Variants in RAPGEF2 observed in about 807,000 individuals in gnomAD.
RAPGEF2 encodes Rap guanine nucleotide exchange factor 2.
In RAPGEF2, 54 loss-of-function variants were observed where a neutral mutation model predicts 186.7. The ratio of observed to expected loss-of-function variants is 0.29; its 90% CI spans 0.23 to 0.36. RAPGEF2 has a LOEUF of 0.36. Ranked by LOEUF, RAPGEF2 falls within the 10% of genes least tolerant of loss-of-function variation. The pLI is 1.00. For missense variants in RAPGEF2, 1,532 were observed against 2,045.0 expected (o/e 0.75, Z 4.84); for synonymous variants, 712 against 705.9 (o/e 1.01, Z -0.14).
intron 2 of RAPGEF2, among the ~76,000 whole-genome samples, chr4:159,191,009 A>G (rs1439301041): frequency 6.6e-6 from 1 of 152,342 alleles, no homozygotes; most frequent in African/African-American, 2.4e-5. Context: ...CTGAGTAGGC[A>G]TTTAAATGAG....
At chr4:159,164,007 A>G (rs1745000304) in intron 1 of RAPGEF2, among the ~76,000 whole-genome samples, 2 of 151,484 alleles carry the variant, frequency 1.3e-5, no homozygotes, top group East Asian at 1.9e-4. Flanking sequence ...TAGTACTGGT[A>G]GTTTTTTTTT....
intron 7 of RAPGEF2, among the ~76,000 whole-genome samples, chr4:159,285,593 G>A (rs1321878756): frequency 3.3e-5 from 5 of 152,132 alleles, no homozygotes; most frequent in South Asian, 4.1e-4. Context: ...AAGTGTAGAC[G>A]TTTAAGCAAA....
chr4:159,133,033 A>T (rs2111137511), intron 1 of RAPGEF2, among the ~76,000 whole-genome samples: 1 of 152,286 alleles, frequency 6.6e-6, no homozygotes, highest in East Asian at 1.9e-4. Flanking sequence ...AAAATTAAAA[A>T]AATTCATACA....
At chr4:159,200,066 A>C (rs569959672) in intron 3 of RAPGEF2, among the ~76,000 whole-genome samples, 236 of 143,862 alleles carry the variant, frequency 1.6e-3, no homozygotes, top group African/African-American at 6.6e-3. Context: ...CTCTCTATAT[A>C]TATATATAGT....
intron 1 of RAPGEF2, among the ~76,000 whole-genome samples, chr4:159,175,605 C>A (rs1205995421): frequency 2.0e-5 from 3 of 152,178 alleles, no homozygotes; most frequent in Non-Finnish European, 4.4e-5. Context: ...TCATCATATT[C>A]TTTAAGATGA....
intron 13 of RAPGEF2, 64 bp from the exon 14 acceptor site, chr4:159,331,367 G>T: frequency 5.4e-6 from 5 of 923,714 alleles, no homozygotes; most frequent in South Asian, 1.7e-5. Context: ...ATCTTTTCTG[G>T]AATGATTTTA....
Position 159,267,936 on chromosome 4 carries a change from A to T in RAPGEF2, c.543+24145A>T, listed in dbSNP as rs563258115. On this transcript the variant is annotated intron_variant, in intron 7 of 29. Transcript: ENST00000691494. ...GGATGGTTAGAGTTTCAATGTTATA[A>T]AAATGGAGACGAACACTGTTGTTCG... The T allele has an allele frequency of 1.1e-5, 15 of 1,311,252 alleles. No homozygotes were observed. The East Asian group carries it at 4.5e-4, about 39-fold the overall frequency. 81.2% of individuals were successfully genotyped at this position (1,311,252 alleles called of 1,614,324 possible).
chr4:159,262,555 T>A (rs1487706901), intron 7 of RAPGEF2, among the ~76,000 whole-genome samples: 1 of 152,180 alleles, frequency 6.6e-6, no homozygotes, highest in African/African-American at 2.4e-5. Context: ...GAAGTAAGCT[T>A]TGTTAAATCT....
At chr4:159,256,295 C>G (rs767786544) in intron 7 of RAPGEF2, among the ~76,000 whole-genome samples, 3 of 152,164 alleles carry the variant, frequency 2.0e-5, no homozygotes, top group Non-Finnish European at 4.4e-5. Context: ...TGAGAACATG[C>G]AGTGTTTAGT....
intron 1 of RAPGEF2, among the ~76,000 whole-genome samples, chr4:159,156,474 C>CT (rs920390995): frequency 2.5e-4 from 38 of 150,440 alleles, no homozygotes; most frequent in Admixed American, 2.2e-3. Context: ...GCCTGAGGAA[C>CT]TTTTTTTTTG....
chr4:159,320,647 A>G (rs956858314), intron 9 of RAPGEF2, among the ~76,000 whole-genome samples: 6 of 152,118 alleles, frequency 3.9e-5, no homozygotes, highest in Admixed American at 2.6e-4. Flanking sequence ...ATAGAGTCCA[A>G]TCAGAACATG....
intron 4 of RAPGEF2, among the ~76,000 whole-genome samples, chr4:159,232,809 A>G (rs1403397411): frequency 6.6e-6 from 1 of 152,128 alleles, no homozygotes; most frequent in Non-Finnish European, 1.5e-5. Context: ...CTTTCTTGAA[A>G]AAGGGAAATA....
At chr4:159,168,271 A>G (rs1745539401) in intron 1 of RAPGEF2, among the ~76,000 whole-genome samples, 1 of 152,152 alleles carries the variant, frequency 6.6e-6, no homozygotes, top group Non-Finnish European at 1.5e-5. Context: ...TCACAAGCCA[A>G]ATCTCCCCAG....
chr4:159,206,900 C>T (rs1750046032), intron 3 of RAPGEF2, among the ~76,000 whole-genome samples: 1 of 152,274 alleles, frequency 6.6e-6, no homozygotes, highest in South Asian at 2.1e-4. Context: ...TCCAGAACAT[C>T]TGTAAAATAA....
chr4:159,228,708 C>T (rs1181460493), intron 4 of RAPGEF2, among the ~76,000 whole-genome samples: 2 of 152,094 alleles, frequency 1.3e-5, no homozygotes, highest in East Asian at 1.9e-4. Flanking sequence ...AGAAGCAGTT[C>T]GCAATTTACA....
At chr4:159,238,352 AAC>A in intron 4 of RAPGEF2, among the ~76,000 whole-genome samples, 1 of 152,350 alleles carries the variant, frequency 6.6e-6, no homozygotes, top group Non-Finnish European at 1.5e-5. Context: ...TAGGAAAATA[AAC>A]ACACTTTTTA....
chr4:159,306,652 A>C (rs1414288938), intron 8 of RAPGEF2, among the ~76,000 whole-genome samples: 1 of 152,124 alleles, frequency 6.6e-6, no homozygotes. Flanking sequence ...TGCTCTGGCT[A>C]GGACTTAGAA....
In RAPGEF2 at chr4:159,107,456, AC is replaced by A. The variant is rs1319959616; in HGVS notation, c.69+3227del. 5.3e-5 allele frequency among the ~76,000 whole-genome samples: 8 copies of A among 152,272 alleles called. No homozygotes were observed. In the East Asian group the frequency reaches 1.5e-3, roughly 29 times the overall value. On this transcript the variant is annotated intron_variant, in intron 1 of 29. Coordinates refer to ENST00000691494, the MANE Select transcript of RAPGEF2 (RefSeq NM_001394067.2). ...GCTTCTGTAGAGTGTCTAAATGCAT[AC>A]CATTTTCAGTTTTTCAGGTGAAACA...
intron 9 of RAPGEF2, among the ~76,000 whole-genome samples, chr4:159,316,248 A>C (rs2111119466): frequency 6.6e-6 from 1 of 152,320 alleles, no homozygotes; most frequent in Middle Eastern, 3.4e-3. Context: ...TTATAGAACG[A>C]GGATTATTAT....
Sources: gnomAD v4.1 joint callset for allele counts (sites outside exome capture counted in the v4.1 genomes callset) on GRCh38, gnomAD v4.1.1 for gene constraint, MANE v1.5 for transcripts, NCBI Gene and HGNC (gene_info 2026-07-23, HGNC 2026-07-21) for gene names.